The following CDH23 variants were observed in gnomAD, a reference collection of about 807,000 sequenced individuals.
CDH23 encodes the protein cadherin related 23.
In CDH23, 189 loss-of-function variants were observed where a neutral mutation model predicts 317.1. The observed-to-expected ratio is 0.60, with a 90% CI of 0.53 to 0.67. The LOEUF (loss-of-function observed/expected upper bound fraction) is 0.67. Ranked by LOEUF, CDH23 falls within the 30% of genes least tolerant of loss-of-function variation. The probability of loss-of-function intolerance (pLI) is 0.00; values close to 1 mark genes in which losing one functional copy is unlikely to be tolerated. For synonymous variants in CDH23, 1,839 were observed against 1,876.8 expected (o/e 0.98, Z 0.52); for missense variants, 4,401 against 4,592.4 (o/e 0.96, Z 1.20).
intron 6 of CDH23, among the ~76,000 whole-genome samples, chr10:71,533,143 G>T (rs1418180652): frequency 6.6e-6 from 1 of 152,204 alleles, no homozygotes; most frequent in Non-Finnish European, 1.5e-5. Flanking sequence ...GTAGACCATG[G>T]ATTGCTGGCA....
intron 28 of CDH23, chr10:71,715,846 T>C: frequency 7.6e-7 from 1 of 1,309,722 alleles, no homozygotes; most frequent in Non-Finnish European, 1.0e-6. Context: ...TGGGCCACTG[T>C]CTTCCTGCAG....
At chr10:71,500,046 G>A (rs1853201030) in intron 3 of CDH23, among the ~76,000 whole-genome samples, 1 of 149,312 alleles carries the variant, frequency 6.7e-6, no homozygotes. Context: ...AAAGGATAGT[G>A]CTGTGTAGCA....
At chr10:71,782,963 G>A (rs767390566) in intron 41 of CDH23, among the ~76,000 whole-genome samples, 6 of 152,210 alleles carry the variant, frequency 3.9e-5, no homozygotes, top group Non-Finnish European at 8.8e-5. Flanking sequence ...AGGGAATTGT[G>A]AGGTAGGATG....
At chr10:71,802,815 C>T (rs1008968898) in intron 53 of CDH23, 83 bp from the exon 54 acceptor site, 6 of 1,444,910 alleles carry the variant, frequency 4.2e-6, no homozygotes, top group Non-Finnish European at 5.8e-6. Flanking sequence ...CTTCCTCTAT[C>T]CAGGCTTACT....
At chr10:71,409,594 G>A (rs924768416) in intron 1 of CDH23, among the ~76,000 whole-genome samples, 1 of 152,154 alleles carries the variant, frequency 6.6e-6, no homozygotes, top group Non-Finnish European at 1.5e-5. Context: ...GTGGAAAGCA[G>A]AGGGCACCCG....
chr10:71,656,328 GC>G (rs1863415815), intron 14 of CDH23, among the ~76,000 whole-genome samples: 1 of 152,180 alleles, frequency 6.6e-6, no homozygotes, highest in Non-Finnish European at 1.5e-5. Flanking sequence ...AGGGCCAGGT[GC>G]CCTGGGCCTT....
chr10:71,630,014 T>C (rs1048651245), intron 11 of CDH23, among the ~76,000 whole-genome samples: 1 of 152,126 alleles, frequency 6.6e-6, no homozygotes, highest in African/African-American at 2.4e-5. Context: ...TTTTTAAACA[T>C]TTATTTTATT....
intron 51 of CDH23, 23 bp from the exon 52 acceptor site, chr10:71,799,469 T>G (rs1479142983): frequency 6.2e-7 from 1 of 1,613,668 alleles, no homozygotes; most frequent in Admixed American, 1.7e-5. Context: ...GCCTACTCTC[T>G]CTCCCTGCCC....
In CDH23 at chr10:71,739,648, T is replaced by C; in HGVS notation, c.4364T>C (p.Val1455Ala). The change falls in exon 36 of 70, where the codon GTC (valine) becomes GCC (alanine). Residue 1455 changes from valine to alanine, a missense_variant. Val to Ala is a moderately conservative substitution (Grantham distance 64). Coordinates refer to ENST00000224721, the MANE Select transcript of CDH23 (RefSeq NM_022124.6). ...CACCCTCTCTTCTCCCCACAGGTGG[T>C]CTTCTCCCTGGCCTCTGGCAACATC... Reference protein sequence around the residue: ...DPDAGSNGQVVFSLASGNIAG... With the variant: ...DPDAGSNGQVAFSLASGNIAG... 2 of 1,612,818 alleles carry C rather than the reference T, an allele frequency of 1.2e-6. No individual in the cohort carries two copies. The highest frequency in any genetic ancestry group is 8.5e-7 in the Non-Finnish European group (1 of 1,179,414).
intron 9 of CDH23, among the ~76,000 whole-genome samples, chr10:71,607,306 T>G (rs1259651008): frequency 6.6e-6 from 1 of 152,220 alleles, no homozygotes; most frequent in Non-Finnish European, 1.5e-5. Flanking sequence ...GAATGGGACA[T>G]GAACTCTTTA....
chr10:71,742,091 C>T lies in CDH23; in HGVS notation c.4845+170C>T, dbSNP rs567385676. ...ATCTGCCCAAGATGGCCTCCCCTTA[C>T]GGAGGCCTGTTGCGTGCAAAGCTGG... On this transcript the variant is annotated intron_variant, in intron 38 of 69. Transcript: ENST00000224721. The T allele has an allele frequency of 2.9e-4, 187 of 644,126 alleles. 1 individual carries two copies. The highest frequency in any genetic ancestry group is 2.4e-3 in the African/African-American group (131 of 54,892). The allele number at this position is 644,126 out of a possible 1,614,324, so 39.9% of individuals were successfully genotyped here.
intron 3 of CDH23, among the ~76,000 whole-genome samples, chr10:71,449,681 G>C (rs949250043): frequency 6.6e-6 from 1 of 152,134 alleles, no homozygotes; most frequent in Non-Finnish European, 1.5e-5. Flanking sequence ...TGGGCTACAG[G>C]GTCTATCTAT....
At position 71,702,557 on chromosome 10, in the gene CDH23, C is replaced by G. The variant is rs769587536; in HGVS notation, c.2596C>G (p.Pro866Ala). ...IVVSVTDCGRPPLKATSSATV... is the reference protein window; with the variant it reads ...IVVSVTDCGRAPLKATSSATV... ...CGCCCTGGTCTTCCCAGGTGGCAGG[C>G]CCCCTCTGAAAGCCACCAGCAGTGC... Residue 866 changes from proline to alanine, a missense_variant, in exon 24 of 70, where the codon CCC becomes GCC. Coordinates refer to ENST00000224721, the MANE Select transcript of CDH23 (RefSeq NM_022124.6). 1 of 1,613,950 alleles carries G rather than the reference C, an allele frequency of 6.2e-7. No homozygotes were observed. The highest frequency in any genetic ancestry group is 8.5e-7 in the Non-Finnish European group (1 of 1,179,866).
rs374241202 is a variant in CDH23, at chr10:71,772,920, C to T, written c.4846-4760C>T. On this transcript the variant is annotated intron_variant, in intron 38 of 69. Transcript: ENST00000224721. The stretch of plus-strand genomic sequence containing the variant: ...CATGGGGCACTGGCTGAGCATACCA[C>T]GCCCTCTGTGTCCTCTGCAACACTA... 1.2e-3 allele frequency among the ~76,000 whole-genome samples: 179 copies of T among 152,330 alleles called. No individual in the cohort carries two copies. The South Asian group carries it at 0.018, about 15-fold the overall frequency.
At chr10:71,737,511 C>T (rs1198745254) in intron 34 of CDH23, among the ~76,000 whole-genome samples, 1 of 152,216 alleles carries the variant, frequency 6.6e-6, no homozygotes, top group East Asian at 1.9e-4. Context: ...GGAAGAATGA[C>T]ATGGAATTTC....
chr10:71,795,672 C>G, intron 48 of CDH23: 2 of 461,074 alleles, frequency 4.3e-6, no homozygotes, highest in Non-Finnish European at 5.7e-6. Context: ...CTTCCCAGTG[C>G]CTCTTCCCCT....
intron 3 of CDH23, among the ~76,000 whole-genome samples, chr10:71,461,798 A>G (rs1851002518): frequency 6.6e-6 from 1 of 152,242 alleles, no homozygotes. Context: ...CAGAGCGTTC[A>G]TTACACATCA....
intron 19 of CDH23, among the ~76,000 whole-genome samples, chr10:71,688,667 G>A (rs1333938897): frequency 1.4e-5 from 2 of 140,576 alleles, no homozygotes; most frequent in Non-Finnish European, 3.1e-5. Flanking sequence ...CAGGGGTGGT[G>A]GAGTCAGGGG....
intron 11 of CDH23, among the ~76,000 whole-genome samples, chr10:71,639,404 T>G (rs1195972083): frequency 6.6e-6 from 1 of 152,160 alleles, no homozygotes; most frequent in Non-Finnish European, 1.5e-5. Flanking sequence ...GGGTGTGCCC[T>G]CCACCAGTCC....
Sources: allele counts gnomAD v4.1 joint callset (sites outside exome capture counted in the v4.1 genomes callset), GRCh38; gene constraint gnomAD v4.1.1; transcripts MANE v1.5; gene names NCBI Gene and HGNC (gene_info 2026-07-23, HGNC 2026-07-21).